Variants in BRF1 observed in about 807,000 individuals in gnomAD.
BRF1 encodes the protein BRF1 general transcription factor IIIB subunit.
Under a neutral mutation model 81.7 loss-of-function variants are expected in BRF1, and 59 were observed. That is an observed-to-expected ratio of 0.72 (90% CI 0.59 to 0.90). The LOEUF is 0.90. Among genes scored for constraint, BRF1 ranks in the 40% least tolerant of loss-of-function variants. The probability of loss-of-function intolerance (pLI) is 0.00; values close to 1 mark genes in which losing one functional copy is unlikely to be tolerated. For missense variants in BRF1, 1,050 were observed against 936.3 expected, an observed-to-expected ratio of 1.12 and a Z score of -1.58; for synonymous variants, 491 against 395.6, an observed-to-expected ratio of 1.24 and a Z score of -2.86.
chr14:105,249,622 G>C, intron 5 of BRF1: 1 of 1,596,416 alleles, frequency 6.3e-7, no homozygotes, highest in Non-Finnish European at 8.5e-7. Flanking sequence ...CCCCTGACGC[G>C]GGCCCTGCCT....
At chr14:105,302,037 T>G (rs1362086070), upstream of BRF1, among the ~76,000 whole-genome samples, 4 of 151,210 alleles carry the variant, frequency 2.6e-5, 1 homozygote, top group South Asian at 8.4e-4. Flanking sequence ...TACTCGCGAG[T>G]CTGAGACAGG....
chr14:105,249,951 C>T, intron 5 of BRF1: 2 of 1,611,930 alleles, frequency 1.2e-6, no homozygotes, highest in Middle Eastern at 1.7e-4. Flanking sequence ...ACCAAAGAGG[C>T]GGTGGTCTTC....
At chr14:105,224,230 G>T (rs907468311) in intron 10 of BRF1, among the ~76,000 whole-genome samples, 1 of 152,206 alleles carries the variant, frequency 6.6e-6, no homozygotes, top group Non-Finnish European at 1.5e-5. Flanking sequence ...TTAGCTGGGC[G>T]TGGTGGCGCA....
chr14:105,261,822 C>T (rs965410608), intron 3 of BRF1, among the ~76,000 whole-genome samples: 15 of 152,198 alleles, frequency 9.9e-5, no homozygotes, highest in Admixed American at 2.0e-4. Context: ...GGGACTGCGG[C>T]GCCCACACGG....
At chr14:105,211,791 C>T in intron 16 of BRF1, 1 of 463,678 alleles carries the variant, frequency 2.2e-6, no homozygotes, top group Non-Finnish European at 4.0e-6. Context: ...GAGGGCTGGG[C>T]CCTGTGACCT....
In BRF1 at chr14:105,248,568, CTCGGGCGGGCGG is replaced by C. The variant is rs1176494211; in HGVS notation, c.544+3927_544+3938del. On this transcript the variant is annotated intron_variant, in intron 5 of 17. Transcript: ENST00000547530. Reference sequence around the variant, plus strand: ...GCACCGGCGCCGCGGCGGGTACGGGCTCGGGCGGGCGGGCGGGCGGGACGGCGCCCCCCGCGG... The same window carrying C: ...GCACCGGCGCCGCGGCGGGTACGGGCGCGGGCGGGACGGCGCCCCCCGCGG... The C allele has an allele frequency of 4.9e-5, 10 of 203,498 alleles. No individual in the cohort carries two copies. In the African/African-American group the frequency reaches 5.1e-4, roughly 10 times the overall value. The allele number at this position is 203,498 out of a possible 1,614,324, so 12.6% of individuals were successfully genotyped here.
chr14:105,221,882 C>G lies in BRF1; in HGVS notation c.1081G>C (p.Gly361Arg), dbSNP rs1566807418. The G allele has an allele frequency of 6.2e-7, 1 of 1,600,576 alleles. No individual in the cohort carries two copies. The highest frequency in any genetic ancestry group is 8.5e-7 in the Non-Finnish European group (1 of 1,174,024). ...STEDTASSLC[G>R]EEDTEDEELE... The stretch of plus-strand genomic sequence containing the variant: ...TCCTCGTCCTCTGTGTCCTCCTCGC[C>G]ACACAAGCTGGACGCGGTGTCCTCG... The change falls in exon 11 of 18, where the codon GGC (glycine) becomes CGC (arginine). Residue 361 changes from glycine to arginine, a missense_variant. By Grantham distance (125) the Gly-to-Arg change is moderately radical (BLOSUM62 -2). This residue lies in a region of BRF1 where 1,043 missense variants were observed against 915.4 expected (regional missense o/e 1.14). Coordinates refer to ENST00000547530, the MANE Select transcript of BRF1 (RefSeq NM_001519.4).
intron 5 of BRF1, chr14:105,249,529 C>G: frequency 6.2e-7 from 1 of 1,603,928 alleles, no homozygotes; most frequent in Non-Finnish European, 8.5e-7. Flanking sequence ...TAGGCGGCCT[C>G]CGGAGGCTTC....
chr14:105,312,024 C>G (rs887257103), intron 1 of BRF1, among the ~76,000 whole-genome samples: 1 of 152,238 alleles, frequency 6.6e-6, no homozygotes, highest in Non-Finnish European at 1.5e-5. Context: ...GGGCTGGAGC[C>G]GCCAACTGAC....
At chr14:105,252,659 T>G (rs2055676023) in intron 4 of BRF1, 80 bp from the exon 5 acceptor site, 13 of 1,449,304 alleles carry the variant, frequency 9.0e-6, no homozygotes, top group Admixed American at 2.0e-5. Context: ...AATGCATCTC[T>G]TGTGCAGTCT....
chr14:105,312,376 C>T (rs587718502), intron 1 of BRF1, among the ~76,000 whole-genome samples: 25 of 152,348 alleles, frequency 1.6e-4, no homozygotes, highest in Middle Eastern at 3.4e-3. Context: ...CCGGGCAGCA[C>T]GTGGTAGGAC....
chr14:105,222,185 G>C (rs962030980), intron 10 of BRF1: 3 of 413,888 alleles, frequency 7.2e-6, no homozygotes, highest in East Asian at 9.1e-5. Context: ...CCTTGGATAA[G>C]GCAAACATTT....
chr14:105,244,137 C>G (rs1233478087), intron 5 of BRF1, among the ~76,000 whole-genome samples: 3 of 150,830 alleles, frequency 2.0e-5, no homozygotes, highest in Non-Finnish European at 3.0e-5. Context: ...AGCAAGACCC[C>G]ATCTCTTAAA....
At chr14:105,300,340 A>G (rs1453303042) in intron 1 of BRF1, 106 bp downstream of exon 1, 4 of 1,250,160 alleles carry the variant, frequency 3.2e-6, no homozygotes, top group Non-Finnish European at 4.2e-6. Context: ...GCGCGCCCCG[A>G]CAGAGCGTGC....
intron 3 of BRF1, among the ~76,000 whole-genome samples, chr14:105,268,688 G>A (rs1430773228): frequency 6.6e-6 from 1 of 152,232 alleles, no homozygotes; most frequent in Non-Finnish European, 1.5e-5. Flanking sequence ...GATACGATAG[G>A]AGGATCCTGG....
chr14:105,296,080 CAAAAA>C (rs58030113), intron 1 of BRF1, among the ~76,000 whole-genome samples: 2 of 56,924 alleles, frequency 3.5e-5, no homozygotes, highest in Non-Finnish European at 6.8e-5. Flanking sequence ...CACTCTATCT[CAAAAA>C]AAAAAAAAAA....
At chr14:105,228,980 A>G in intron 6 of BRF1, 67 bp from the exon 7 acceptor site, 3 of 1,420,828 alleles carry the variant, frequency 2.1e-6, no homozygotes, top group Non-Finnish European at 3.0e-6. Context: ...GTGGCGGCCC[A>G]GGACAACACT....
intron 3 of BRF1, among the ~76,000 whole-genome samples, chr14:105,257,321 G>A (rs868493518): frequency 6.6e-6 from 1 of 152,306 alleles, no homozygotes; most frequent in South Asian, 2.1e-4. Flanking sequence ...GGAGTCCAGA[G>A]CAGGGGTCCA....
intron 6 of BRF1, among the ~76,000 whole-genome samples, chr14:105,229,657 G>A (rs188914036): frequency 0.027 from 4,046 of 148,820 alleles, 54 homozygotes; most frequent in African/African-American, 0.052. Flanking sequence ...GGACAGCCTG[G>A]CAGCCCCGTG....
Sources: allele counts gnomAD v4.1 joint callset (sites outside exome capture counted in the v4.1 genomes callset), GRCh38; gene constraint gnomAD v4.1.1; regional missense constraint gnomAD v4.1.1; transcripts MANE v1.5; gene names NCBI Gene and HGNC (gene_info 2026-07-23, HGNC 2026-07-21).